The following SLC40A1 variants were observed in gnomAD, a reference collection of about 807,000 sequenced individuals.
SLC40A1 encodes the protein ferroportin.
A neutral mutation model predicts 53.5 loss-of-function variants in SLC40A1; 16 were observed. The ratio of observed to expected loss-of-function variants is 0.30; its 90% confidence interval spans 0.20 to 0.45. The LOEUF (loss-of-function observed/expected upper bound fraction) is 0.45, where lower values mean the gene tolerates loss of function less well. Ranked by LOEUF, SLC40A1 falls within the 20% of genes least tolerant of loss-of-function variation. The pLI is 1.00. For missense variants in SLC40A1, 545 were observed against 695.4 expected (o/e 0.78, Z 2.43); for synonymous variants, 247 against 253.2 (o/e 0.98, Z 0.23).
chr2:189,576,191 T>G (rs2031280835), intron 2 of SLC40A1, among the ~76,000 whole-genome samples: 1 of 152,168 alleles, frequency 6.6e-6, no homozygotes, highest in African/African-American at 2.4e-5. Flanking sequence ...ATCCCTGACT[T>G]CTGAAATTAA....
chr2:189,569,389 C>G (rs1574241381), intron 5 of SLC40A1, among the ~76,000 whole-genome samples: 1 of 152,204 alleles, frequency 6.6e-6, no homozygotes, highest in Admixed American at 6.5e-5. Context: ...AAAAATCAGC[C>G]TGCATAAACA....
At chr2:189,578,371 G>C in intron 2 of SLC40A1, 3 of 1,002,432 alleles carry the variant, frequency 3.0e-6, no homozygotes, top group Non-Finnish European at 3.6e-6. Context: ...GTTGGGATAA[G>C]CATGTGTCAC....
At chr2:189,574,632 T>C (rs2031234091) in intron 3 of SLC40A1, among the ~76,000 whole-genome samples, 1 of 152,232 alleles carries the variant, frequency 6.6e-6, no homozygotes, top group South Asian at 2.1e-4. Context: ...TTAGAATAAA[T>C]ATCAAGATAT....
At chr2:189,567,165 T>C (rs1285007689) in intron 5 of SLC40A1, among the ~76,000 whole-genome samples, 3 of 152,152 alleles carry the variant, frequency 2.0e-5, no homozygotes, top group African/African-American at 7.2e-5. Flanking sequence ...ATGAATGGTT[T>C]GTAGGTGCCA....
rs765365016 is a variant in SLC40A1 at position 189,561,931 on chromosome 2, G to A, written c.1663C>T (p.Pro555Ser). Residue 555 changes from proline (P) to serine (S), a missense_variant, in exon 8 of 8, where the codon CCT becomes TCT. Physicochemically the swap from Pro to Ser is moderately conservative, Grantham distance 74. Around this residue, in one of 4 missense-constraint regions of SLC40A1, gnomAD observed 234 missense variants for 299.0 expected, o/e 0.78. Transcript: ENST00000261024. ...TLGNKLFACG[P>S]DAKEVRKENQ... ...TCCTTCCTAACTTCTTTTGCATCAG[G>A]ACCGCAAGCAAAGAGCTTGTTTCCC... 4 of 1,613,948 alleles carry A rather than the reference G, an allele frequency of 2.5e-6. No homozygotes were observed. In the African/African-American group the frequency reaches 5.3e-5, roughly 22 times the overall value.
At chr2:189,576,110 T>G (rs529477488) in intron 2 of SLC40A1, among the ~76,000 whole-genome samples, 1 of 152,342 alleles carries the variant, frequency 6.6e-6, no homozygotes, top group Non-Finnish European at 1.5e-5. Context: ...TAACAGAAAC[T>G]TTTAAGTGAA....
chr2:189,564,161 C>G lies in SLC40A1; in HGVS notation c.825G>C (p.Glu275Asp), dbSNP rs780756130. 2 of 1,613,352 alleles carry G rather than the reference C, an allele frequency of 1.2e-6. No individual in the cohort carries two copies. Among genetic ancestry groups the G allele is most frequent in the African/African-American group, 2.7e-5 (2 of 74,876 alleles). ...AAGTAGGCTCTTGCTCATGTTCAAG[C>G]TCATGGATGTTAGAGTCTTTCACAC... is the stretch of plus-strand genomic sequence containing the variant. ...LMGVKDSNIH[E>D]LEHEQEPTCA... The change falls in exon 7 of 8, where the codon GAG becomes GAC. Residue 275 changes from glutamate to aspartate, a missense_variant. By Grantham distance (45) the Glu-to-Asp change is conservative (BLOSUM62 2). Transcript: ENST00000261024.
chr2:189,565,297 C>T (rs1204817389), intron 6 of SLC40A1, 57 bp downstream of exon 6: 3 of 1,606,958 alleles, frequency 1.9e-6, no homozygotes, highest in East Asian at 2.2e-5. Context: ...TTGATCTTCA[C>T]CAACATTTAA....
At chr2:189,562,439 TTC>T (rs1204155308) in intron 7 of SLC40A1, among the ~76,000 whole-genome samples, 1 of 152,198 alleles carries the variant, frequency 6.6e-6, no homozygotes, top group Non-Finnish European at 1.5e-5. Flanking sequence ...AACTTCTTAG[TTC>T]TGTTTTTCTG....
intron 4 of SLC40A1, among the ~76,000 whole-genome samples, chr2:189,572,160 A>T (rs1431879997): frequency 2.0e-5 from 3 of 152,158 alleles, no homozygotes; most frequent in Non-Finnish European, 2.9e-5. Flanking sequence ...ATTGCCTTTG[A>T]AAAGAATGTT....
intron 3 of SLC40A1, among the ~76,000 whole-genome samples, chr2:189,573,327 T>C (rs1287488099): frequency 6.6e-6 from 1 of 152,200 alleles, no homozygotes; most frequent in Non-Finnish European, 1.5e-5. Context: ...GGTAAAACAA[T>C]AACATGTATG....
At chr2:189,569,399 A>T (rs1290392007) in intron 5 of SLC40A1, among the ~76,000 whole-genome samples, 1 of 152,196 alleles carries the variant, frequency 6.6e-6, no homozygotes, top group Non-Finnish European at 1.5e-5. Context: ...CTGCATAAAC[A>T]CAAATCCTTC....
chr2:189,580,713 G>T lies in SLC40A1; in HGVS notation c.-253C>A, dbSNP rs886055363. ...TGGAAAGGCAAAGCCTTATGGAAGCGGTTTGGGAGGCTCAGCAGGTCGTCC... is the reference window on the plus strand; with the variant it reads ...TGGAAAGGCAAAGCCTTATGGAAGCTGTTTGGGAGGCTCAGCAGGTCGTCC... On this transcript the variant is annotated 5_prime_UTR_variant, in exon 1 of 8. Coordinates refer to ENST00000261024, the MANE Select transcript of SLC40A1 (RefSeq NM_014585.6). 21 of 1,404,470 alleles carry T rather than the reference G, an allele frequency of 1.5e-5. No homozygotes were observed. The Admixed American group carries it at 4.1e-4, about 28-fold the overall frequency. The allele number at this position is 1,404,470 out of a possible 1,614,324, so 87.0% of individuals were successfully genotyped here.
At chr2:189,569,732 G>A (rs2031061755) in intron 5 of SLC40A1, among the ~76,000 whole-genome samples, 1 of 152,202 alleles carries the variant, frequency 6.6e-6, no homozygotes, top group Non-Finnish European at 1.5e-5. Context: ...CTAATGTAGA[G>A]TGGACAAGAG....
intron 6 of SLC40A1, 121 bp downstream of exon 6, chr2:189,565,233 T>G: frequency 8.0e-7 from 1 of 1,252,220 alleles, no homozygotes; most frequent in Non-Finnish European, 1.1e-6. Context: ...GCGATATATT[T>G]AACCTCATCT....
intron 3 of SLC40A1, among the ~76,000 whole-genome samples, chr2:189,573,803 T>C (rs1012775031): frequency 1.3e-5 from 2 of 152,206 alleles, no homozygotes; most frequent in African/African-American, 2.4e-5. Flanking sequence ...AAGGATAATA[T>C]AGTTCATCCT....
chr2:189,567,503 A>G (rs1230096215), intron 5 of SLC40A1, among the ~76,000 whole-genome samples: 1 of 152,242 alleles, frequency 6.6e-6, no homozygotes, highest in Admixed American at 6.5e-5. Flanking sequence ...TAATTAAAAT[A>G]AAATAAAACC....
chr2:189,580,544 G>T lies in SLC40A1; in HGVS notation c.-84C>A, dbSNP rs995432296. On this transcript the variant is annotated 5_prime_UTR_variant, in exon 1 of 8. Coordinates refer to ENST00000261024, the MANE Select transcript of SLC40A1 (RefSeq NM_014585.6). Reference sequence around the variant, plus strand: ...GAGGTGCTTGTTAACAGGAGTGCAAGGAACTGGAGATAGCACCTCTAAAAA... The same window carrying T: ...GAGGTGCTTGTTAACAGGAGTGCAATGAACTGGAGATAGCACCTCTAAAAA... 1 of 1,606,990 alleles carries T rather than the reference G, an allele frequency of 6.2e-7. No individual in the cohort carries two copies. Among genetic ancestry groups the T allele is most frequent in the African/African-American group, 1.3e-5 (1 of 74,904 alleles).
chr2:189,567,452 G>A (rs561723702), intron 5 of SLC40A1, among the ~76,000 whole-genome samples: 2 of 152,134 alleles, frequency 1.3e-5, no homozygotes, highest in East Asian at 1.9e-4. Flanking sequence ...ACATGACTAT[G>A]TACTCCATAA....
Sources: gnomAD v4.1 joint callset for allele counts (sites outside exome capture counted in the v4.1 genomes callset) on GRCh38, gnomAD v4.1.1 for gene constraint, gnomAD v4.1.1 regional missense constraint, MANE v1.5 for transcripts, NCBI Gene and HGNC (gene_info 2026-07-23, HGNC 2026-07-21) for gene names.